Variants in UNC5C observed in about 807,000 individuals in gnomAD.
UNC5C encodes the protein netrin receptor UNC5C.
In UNC5C, 47 loss-of-function variants were observed where a neutral mutation model predicts 99.8. The ratio of observed to expected loss-of-function variants is 0.47; its 90% CI spans 0.37 to 0.60. UNC5C has a LOEUF of 0.60. Among genes scored for constraint, UNC5C ranks in the 20% least tolerant of loss-of-function variants. The pLI, the probability that UNC5C is intolerant of heterozygous loss-of-function variation, is 0.00. For synonymous variants in UNC5C, 487 were observed against 452.2 expected, an observed-to-expected ratio of 1.08 and a Z score of -0.98; for missense variants, 1,062 against 1,165.9, an observed-to-expected ratio of 0.91 and a Z score of 1.30.
chr4:95,429,504 G>A (rs1450720533), intron 1 of UNC5C, among the ~76,000 whole-genome samples: 6 of 151,746 alleles, frequency 4.0e-5, no homozygotes, highest in African/African-American at 1.5e-4. Flanking sequence ...CAGCTATTTG[G>A]CAATCAAAAA....
At chr4:95,228,163 T>C (rs1430796123) in intron 7 of UNC5C, among the ~76,000 whole-genome samples, 3 of 152,214 alleles carry the variant, frequency 2.0e-5, no homozygotes, top group African/African-American at 7.2e-5. Flanking sequence ...GGTGGGTTTA[T>C]ATTTGAGAGT....
At position 95,511,611 on chromosome 4, in the gene UNC5C, T is replaced by G. The variant is rs906668292; in HGVS notation, c.124+37123A>C. 2.6e-5 allele frequency among the ~76,000 whole-genome samples: 4 copies of G among 152,126 alleles called. No individual in the cohort carries two copies. The East Asian group carries it at 7.7e-4, about 29-fold the overall frequency. ...CTGATTCATTCCTTCAGCAGATACT[T>G]GCATAACCTCTATTTAGGTTTCATG... On this transcript the variant is annotated intron_variant, in intron 1 of 15. Transcript: ENST00000453304.
Position 95,195,120 on chromosome 4 carries a change from C to A in UNC5C, c.2136+7611G>T, listed in dbSNP as rs551813363. ...CCACTGAAGTCTAAATGCCCACATA[C>A]GCATGGCAAACAGTGTCTGGTGTCT... On this transcript the variant is annotated intron_variant, in intron 12 of 15. Transcript: ENST00000453304. Among the ~76,000 whole-genome samples, 40 of 152,288 alleles carry A rather than the reference C, an allele frequency of 2.6e-4. No homozygotes were observed. The South Asian group carries it at 6.8e-3, about 26-fold the overall frequency.
At chr4:95,372,827 G>T (rs1398494305) in intron 1 of UNC5C, among the ~76,000 whole-genome samples, 2 of 152,106 alleles carry the variant, frequency 1.3e-5, no homozygotes, top group Non-Finnish European at 2.9e-5. Context: ...GTGCTCAGAG[G>T]ATGCACAAAT....
intron 1 of UNC5C, among the ~76,000 whole-genome samples, chr4:95,495,880 GT>G (rs1337139653): frequency 6.6e-6 from 1 of 151,714 alleles, no homozygotes; most frequent in Non-Finnish European, 1.5e-5. Flanking sequence ...GTTCAAATGA[GT>G]AACAAAGTAC....
At chr4:95,327,344 G>A (rs1027617425) in intron 2 of UNC5C, among the ~76,000 whole-genome samples, 5 of 151,916 alleles carry the variant, frequency 3.3e-5, no homozygotes, top group African/African-American at 7.3e-5. Flanking sequence ...GCAAAGAGAG[G>A]CAATAAAGTG....
intron 3 of UNC5C, among the ~76,000 whole-genome samples, chr4:95,293,295 C>CTTTT (rs1175837199): frequency 0.011 from 636 of 56,898 alleles, 183 homozygotes; most frequent in African/African-American, 0.044. Context: ...TAATAGTGAG[C>CTTTT]TTTTTTTTTT....
chr4:95,515,715 C>T (rs1341883878), intron 1 of UNC5C, among the ~76,000 whole-genome samples: 2 of 152,174 alleles, frequency 1.3e-5, no homozygotes, highest in Non-Finnish European at 2.9e-5. Context: ...CCACATCTAA[C>T]CTAACACAGG....
chr4:95,242,136 T>C (rs962790121), intron 7 of UNC5C, among the ~76,000 whole-genome samples: 8 of 152,206 alleles, frequency 5.3e-5, no homozygotes, highest in African/African-American at 1.9e-4. Context: ...AGTGCTCTTT[T>C]GTGCTTTCTG....
chr4:95,430,643 G>A (rs1438804829), intron 1 of UNC5C, among the ~76,000 whole-genome samples: 1 of 152,088 alleles, frequency 6.6e-6, no homozygotes, highest in Admixed American at 6.6e-5. Context: ...GAATTATTAA[G>A]TACCAATTAT....
chr4:95,286,481 G>T (rs892851959), intron 3 of UNC5C, among the ~76,000 whole-genome samples: 7 of 152,190 alleles, frequency 4.6e-5, no homozygotes, highest in Non-Finnish European at 8.8e-5. Flanking sequence ...GAGCCATGCA[G>T]ATCTGCTTCT....
At position 95,169,508 on chromosome 4, in the gene UNC5C, T is replaced by C. The variant is rs1736002270; in HGVS notation, c.2631-109A>G. 4 of 1,277,918 alleles carry C rather than the reference T, an allele frequency of 3.1e-6. No individual in the cohort carries two copies. The East Asian group carries it at 9.5e-5, about 30-fold the overall frequency. 79.2% of individuals were successfully genotyped at this position (1,277,918 alleles called of 1,614,324 possible). A position where few individuals can be genotyped will look rare whatever the true frequency, so the allele number is the denominator to read the frequency against. On this transcript the variant is annotated intron_variant, in intron 15 of 15. Coordinates refer to ENST00000453304, the MANE Select transcript of UNC5C (RefSeq NM_003728.4). ...TTGTCTTTAAGTTTCCTGGTCCCAT[T>C]GTGGCTGACAGTGAGCCATCCTAAA...
chr4:95,321,153 T>A (rs1742675913), intron 2 of UNC5C, among the ~76,000 whole-genome samples: 1 of 152,186 alleles, frequency 6.6e-6, no homozygotes, highest in East Asian at 1.9e-4. Context: ...CCCCATGGGA[T>A]ATAATTAAAT....
At chr4:95,346,244 G>C (rs181204816) in intron 1 of UNC5C, among the ~76,000 whole-genome samples, 1 of 151,748 alleles carries the variant, frequency 6.6e-6, no homozygotes, top group East Asian at 1.9e-4. Flanking sequence ...AGAAATCCAA[G>C]ACTCGAACAG....
At chr4:95,430,945 C>A (rs1746619892) in intron 1 of UNC5C, among the ~76,000 whole-genome samples, 1 of 152,106 alleles carries the variant, frequency 6.6e-6, no homozygotes, top group African/African-American at 2.4e-5. Flanking sequence ...CCTCCACTCA[C>A]TTCTTCAAGC....
At chr4:95,193,167 G>C (rs897972690) in intron 12 of UNC5C, among the ~76,000 whole-genome samples, 4 of 152,204 alleles carry the variant, frequency 2.6e-5, no homozygotes, top group African/African-American at 9.7e-5. Flanking sequence ...ACAGAACCAT[G>C]CATTGGCTGG....
At chr4:95,507,757 C>G (rs1721962986) in intron 1 of UNC5C, among the ~76,000 whole-genome samples, 1 of 151,996 alleles carries the variant, frequency 6.6e-6, no homozygotes, top group Non-Finnish European at 1.5e-5. Context: ...TAAAGATCTT[C>G]AAAACTCAGA....
At position 95,170,263 on chromosome 4, in the gene UNC5C, C is replaced by T. The variant is rs34585936; in HGVS notation, c.2521G>A (p.Ala841Thr). 0.02 allele frequency: 31,584 copies of T among 1,614,124 alleles called. 424 individuals carry two copies. The highest frequency in any genetic ancestry group is 0.041 in the East Asian group (1,839 of 44,862). Residue 841 changes from alanine to threonine, a missense_variant, in exon 15 of 16, where the codon GCT (alanine) becomes ACT (threonine). By Grantham distance (58) the Ala-to-Thr change is moderately conservative. Around this residue, in one of 3 missense-constraint regions of UNC5C, gnomAD observed 810 missense variants for 854.5 expected, o/e 0.95. Transcript: ENST00000453304. ...NTITTVTGPS[A>T]FSIPLPIRQK... Reference sequence around the variant, plus strand: ...CGGATAGGGAGAGGGATGCTGAAAGCACTGGGCCCCGTGACCGTGGTGATG... The same window carrying T: ...CGGATAGGGAGAGGGATGCTGAAAGTACTGGGCCCCGTGACCGTGGTGATG...
rs1044967815 is a variant in UNC5C at position 95,164,469 on chromosome 4, A to T, written c.*4765T>A. The T allele has an allele frequency of 3.9e-5, 6 of 152,230 alleles. No individual in the cohort carries two copies. The highest frequency in any genetic ancestry group is 7.3e-5 in the Non-Finnish European group (5 of 68,040). 9.4% of individuals were successfully genotyped at this position (152,230 alleles called of 1,614,324 possible). ...CCAGAGGCAAAGTTCTAAAGATTTC[A>T]GTCAATACTAGCTCAGCAAGGTTAA... On this transcript the variant is annotated 3_prime_UTR_variant, in exon 16 of 16. Coordinates refer to ENST00000453304, the MANE Select transcript of UNC5C (RefSeq NM_003728.4).
Sources: allele counts gnomAD v4.1 joint callset (sites outside exome capture counted in the v4.1 genomes callset), GRCh38; gene constraint gnomAD v4.1.1; regional missense constraint gnomAD v4.1.1; transcripts MANE v1.5; gene names NCBI Gene and HGNC (gene_info 2026-07-23, HGNC 2026-07-21).